The following ERBB4 variants were observed in gnomAD, a reference collection of about 807,000 sequenced individuals.
The protein encoded by ERBB4 is receptor tyrosine-protein kinase erbB-4.
A neutral mutation model predicts 158.0 loss-of-function variants in ERBB4; 42 were observed. The ratio of observed to expected loss-of-function variants is 0.27; its 90% CI spans 0.21 to 0.34. The LOEUF is 0.34. Ranked by LOEUF, ERBB4 falls within the 10% of genes least tolerant of loss-of-function variation. ERBB4 has a pLI of 1.00. For missense variants in ERBB4, 1,333 were observed against 1,624.1 expected, an observed-to-expected ratio of 0.82 and a Z score of 3.08; for synonymous variants, 583 against 558.7, an observed-to-expected ratio of 1.04 and a Z score of -0.61.
chr2:212,267,835 A>C (rs2085205168), intron 1 of ERBB4, among the ~76,000 whole-genome samples: 2 of 148,488 alleles, frequency 1.3e-5, no homozygotes, highest in Non-Finnish European at 3.0e-5. Context: ...CAAAATTTCT[A>C]TACCTGGCAC....
At chr2:212,185,539 A>G (rs759478849) in intron 1 of ERBB4, among the ~76,000 whole-genome samples, 2 of 152,056 alleles carry the variant, frequency 1.3e-5, no homozygotes, top group Non-Finnish European at 2.9e-5. Flanking sequence ...TCTTTCCTAG[A>G]GTGTCAGTAA....
At position 211,542,005 on chromosome 2, in the gene ERBB4, AT is replaced by A. The variant is rs367665481; in HGVS notation, c.2487+19897del. On this transcript the variant is annotated intron_variant, in intron 20 of 27. Transcript: ENST00000342788. Reference sequence around the variant, plus strand: ...AATAATTAATGGAGGTAGGGTCCACATTTTTTTTATTGTTATTGATCTCATT... The same window carrying A: ...AATAATTAATGGAGGTAGGGTCCACATTTTTTTATTGTTATTGATCTCATT... Among the ~76,000 whole-genome samples, 355 of 151,816 alleles carry A rather than the reference AT, an allele frequency of 2.3e-3. 1 individual carries two copies. Among genetic ancestry groups the A allele is most frequent in the African/African-American group, 7.6e-3 (316 of 41,434 alleles).
chr2:211,763,927 T>A (rs1460195082), intron 4 of ERBB4, among the ~76,000 whole-genome samples: 1 of 68,598 alleles, frequency 1.5e-5, no homozygotes, highest in Non-Finnish European at 3.6e-5. Flanking sequence ...TATATGTATA[T>A]GTCCAAGTCC....
chr2:211,973,678 C>G (rs1050001983), intron 2 of ERBB4, among the ~76,000 whole-genome samples: 2 of 152,108 alleles, frequency 1.3e-5, no homozygotes, highest in Non-Finnish European at 2.9e-5. Context: ...TGTGGCAATT[C>G]CTCGAAGACC....
chr2:211,861,121 A>G (rs1340524117), intron 3 of ERBB4, among the ~76,000 whole-genome samples: 1 of 20,010 alleles, frequency 5.0e-5, no homozygotes, highest in Non-Finnish European at 8.6e-5. Context: ...TTATATATAT[A>G]TTTTATATAT....
At chr2:211,397,550 C>A (rs985426180) in intron 25 of ERBB4, among the ~76,000 whole-genome samples, 1 of 152,026 alleles carries the variant, frequency 6.6e-6, no homozygotes, top group African/African-American at 2.4e-5. Flanking sequence ...TACTAACAGG[C>A]CTAATTAGAA....
intron 1 of ERBB4, among the ~76,000 whole-genome samples, chr2:212,384,989 C>T (rs1214408101): frequency 1.3e-5 from 2 of 149,280 alleles, no homozygotes; most frequent in East Asian, 3.9e-4. Flanking sequence ...AGGTGTTCCA[C>T]AATATATTAT....
chr2:211,500,015 C>G (rs1177783709), intron 20 of ERBB4, among the ~76,000 whole-genome samples: 1 of 152,046 alleles, frequency 6.6e-6, no homozygotes, highest in Admixed American at 6.5e-5. Flanking sequence ...ACTAGCCCCT[C>G]TAGTTGAACA....
At chr2:211,440,413 C>A (rs1273884828) in intron 20 of ERBB4, among the ~76,000 whole-genome samples, 1 of 152,130 alleles carries the variant, frequency 6.6e-6, no homozygotes, top group African/African-American at 2.4e-5. Context: ...ATTAATACAG[C>A]AACCTCTAGA....
intron 1 of ERBB4, among the ~76,000 whole-genome samples, chr2:212,217,302 G>C (rs9288446): frequency 0.72 from 109,372 of 151,108 alleles, 39,951 homozygotes; most frequent in East Asian, 0.78. Flanking sequence ...CAATATCTTT[G>C]TGTCATCACC....
chr2:212,207,739 T>C (rs983675570), intron 1 of ERBB4, among the ~76,000 whole-genome samples: 6 of 151,392 alleles, frequency 4.0e-5, no homozygotes, highest in Admixed American at 3.3e-4. Flanking sequence ...GGCAAGACAC[T>C]TGAACTCTCT....
At chr2:211,754,407 C>CTTTCTTT (rs1553625521) in intron 4 of ERBB4, among the ~76,000 whole-genome samples, 1 of 138,044 alleles carries the variant, frequency 7.2e-6, no homozygotes, top group Non-Finnish European at 1.6e-5. Flanking sequence ...GCAATAATCC[C>CTTTCTTT]TTTTTTTTTT....
At chr2:212,362,911 C>A (rs13384508) in intron 1 of ERBB4, among the ~76,000 whole-genome samples, 12,351 of 150,962 alleles carry the variant, frequency 0.082, 603 homozygotes, top group Non-Finnish European at 0.11. Context: ...TACTTACAGC[C>A]TAATTTTTAA....
intron 1 of ERBB4, among the ~76,000 whole-genome samples, chr2:212,419,255 A>G (rs1574883650): frequency 6.6e-6 from 1 of 152,044 alleles, no homozygotes; most frequent in East Asian, 1.9e-4. Context: ...CAATCTACGA[A>G]TGACACTACA....
At chr2:211,513,186 G>GGTAAGGC (rs1367846412) in intron 20 of ERBB4, among the ~76,000 whole-genome samples, 3 of 151,914 alleles carry the variant, frequency 2.0e-5, no homozygotes, top group Non-Finnish European at 4.4e-5. Flanking sequence ...TGTTTGCAAT[G>GGTAAGGC]GTAAGGCGTG....
chr2:212,100,915 G>A (rs2079063997), intron 2 of ERBB4, among the ~76,000 whole-genome samples: 1 of 152,110 alleles, frequency 6.6e-6, no homozygotes, highest in African/African-American at 2.4e-5. Context: ...TGTTTATTCT[G>A]CTTATTGAAA....
intron 1 of ERBB4, among the ~76,000 whole-genome samples, chr2:212,188,855 A>G (rs987276444): frequency 7.9e-5 from 12 of 152,148 alleles, no homozygotes; most frequent in Non-Finnish European, 1.6e-4. Context: ...ACATGAGAAC[A>G]TGAGAATAGA....
intron 23 of ERBB4, among the ~76,000 whole-genome samples, chr2:211,423,758 C>A (rs2063561436): frequency 6.6e-6 from 1 of 151,876 alleles, no homozygotes; most frequent in Admixed American, 6.6e-5. Context: ...AAGCTTTTTT[C>A]CTTCATGTTT....
At chr2:212,188,543 C>T (rs964504541) in intron 1 of ERBB4, among the ~76,000 whole-genome samples, 3 of 151,788 alleles carry the variant, frequency 2.0e-5, no homozygotes, top group Admixed American at 6.6e-5. Context: ...TATTCAAAGG[C>T]TTCCCGTGGT....
Sources: gnomAD v4.1 joint callset for allele counts (sites outside exome capture counted in the v4.1 genomes callset) on GRCh38, gnomAD v4.1.1 for gene constraint, MANE v1.5 for transcripts, NCBI Gene and HGNC (gene_info 2026-07-23, HGNC 2026-07-21) for gene names.